The following ST7 variants were observed in gnomAD, a reference collection of about 807,000 sequenced individuals.
ST7 encodes the protein suppression of tumorigenicity 7, also known as suppressor of tumorigenicity 7 protein.
A neutral mutation model predicts 78.7 loss-of-function variants in ST7; 28 were observed. That is an observed-to-expected ratio of 0.36 (90% CI 0.26 to 0.49). The LOEUF is 0.49. Ranked by LOEUF, ST7 falls within the 20% of genes least tolerant of loss-of-function variation. The pLI is 0.99. For missense variants in ST7, 418 were observed against 696.0 expected (o/e 0.60, Z 4.49); for synonymous variants, 247 against 249.6 (o/e 0.99, Z 0.10).
At chr7:116,993,732 A>G (rs1794526389) in intron 1 of ST7, among the ~76,000 whole-genome samples, 1 of 152,366 alleles carries the variant, frequency 6.6e-6, no homozygotes, top group East Asian at 1.9e-4. Flanking sequence ...TACCAGAGCT[A>G]GGGGAAATAG....
At chr7:116,968,634 T>G (rs1793264361) in intron 1 of ST7, 1 of 206,864 alleles carries the variant, frequency 4.8e-6, no homozygotes, top group African/African-American at 2.3e-5. Context: ...CAAGACATGG[T>G]CCCTGTCTTC....
intron 15 of ST7, among the ~76,000 whole-genome samples, chr7:117,224,204 C>A (rs1793297162): frequency 6.6e-6 from 1 of 152,138 alleles, no homozygotes; most frequent in South Asian, 2.1e-4. Context: ...TATTCCTATT[C>A]TATATTGAGG....
chr7:116,956,688 G>A (rs1425543797), intron 1 of ST7: 2 of 468,646 alleles, frequency 4.3e-6, no homozygotes, highest in Non-Finnish European at 8.8e-6. Context: ...TTGACCATCT[G>A]TGACAATTTT....
intron 2 of ST7, chr7:117,112,803 A>T (rs1802540882): frequency 6.6e-6 from 1 of 152,230 alleles, no homozygotes; most frequent in Non-Finnish European, 1.5e-5. Flanking sequence ...AGAATAAAGA[A>T]TGAGAGAGAT....
At chr7:117,024,147 A>C (rs1215987054) in intron 1 of ST7, among the ~76,000 whole-genome samples, 1 of 152,184 alleles carries the variant, frequency 6.6e-6, no homozygotes, top group Non-Finnish European at 1.5e-5. Context: ...AAATTGATTA[A>C]ATTCTTCAAA....
At chr7:116,967,584 ATTCTAGC>A in intron 1 of ST7, 1 of 351,252 alleles carries the variant, frequency 2.8e-6, no homozygotes, top group South Asian at 2.1e-5. Flanking sequence ...CCCTTACCAC[ATTCTAGC>A]AAAAAGGTCA....
intron 9 of ST7, among the ~76,000 whole-genome samples, chr7:117,146,886 G>T (rs1805833838): frequency 6.6e-6 from 1 of 152,122 alleles, no homozygotes; most frequent in African/African-American, 2.4e-5. Flanking sequence ...GTGACTTCTT[G>T]ATCTTTTTGT....
At chr7:117,025,246 A>G (rs1796127514) in intron 1 of ST7, among the ~76,000 whole-genome samples, 1 of 152,162 alleles carries the variant, frequency 6.6e-6, no homozygotes. Context: ...AATAGTAACT[A>G]TGGTCATTCA....
intron 9 of ST7, among the ~76,000 whole-genome samples, chr7:117,156,538 G>A (rs1806701696): frequency 6.6e-6 from 1 of 152,112 alleles, no homozygotes; most frequent in Non-Finnish European, 1.5e-5. Context: ...GAGTTTGGGA[G>A]TTATCAACAT....
chr7:117,107,903 C>G (rs1355661075), intron 2 of ST7, among the ~76,000 whole-genome samples: 4 of 151,964 alleles, frequency 2.6e-5, no homozygotes. Context: ...ACGTCAGCCA[C>G]TGCACCCGGC....
chr7:117,227,387 C>T (rs1793516478), intron 15 of ST7, among the ~76,000 whole-genome samples: 1 of 152,144 alleles, frequency 6.6e-6, no homozygotes, highest in Non-Finnish European at 1.5e-5. Flanking sequence ...GCAATATCAC[C>T]TTGTTTATTA....
intron 1 of ST7, chr7:117,098,753 G>C: frequency 1.5e-6 from 2 of 1,296,542 alleles, no homozygotes; most frequent in Non-Finnish European, 2.0e-6. Flanking sequence ...AACCAGACTG[G>C]ATGTGATTCC....
rs1051056688 is a variant in ST7, at chr7:117,161,244, G to A, written c.964-9618G>A. ...ATGAAAATTCAACTCTTTATGACTT[G>A]AAGAATTACATATGAAAAGTACATG... On this transcript the variant is annotated intron_variant, in intron 9 of 15. Coordinates refer to ENST00000323984, the MANE Select transcript of ST7 (RefSeq NM_001369598.1). Among the ~76,000 whole-genome samples the A allele has an allele frequency of 2.0e-5, 3 of 151,928 alleles. No individual in the cohort carries two copies. In the South Asian group the frequency reaches 6.2e-4, roughly 32 times the overall value.
chr7:117,159,513 A>G (rs1204703679), intron 9 of ST7, among the ~76,000 whole-genome samples: 1 of 152,178 alleles, frequency 6.6e-6, no homozygotes, highest in Non-Finnish European at 1.5e-5. Flanking sequence ...AATAAACAGA[A>G]CTATGCTAGA....
At chr7:117,160,676 T>C (rs1425338225) in intron 9 of ST7, among the ~76,000 whole-genome samples, 1 of 151,878 alleles carries the variant, frequency 6.6e-6, no homozygotes, top group African/African-American at 2.4e-5. Context: ...TATACATATA[T>C]GTATTTATTC....
intron 2 of ST7, among the ~76,000 whole-genome samples, chr7:117,104,178 C>T (rs921152080): frequency 3.9e-5 from 6 of 152,280 alleles, no homozygotes; most frequent in South Asian, 2.1e-4. Context: ...CAGTGGCTCA[C>T]GCCTGCAATC....
intron 10 of ST7, among the ~76,000 whole-genome samples, chr7:117,183,830 C>T (rs1808991614): frequency 6.6e-6 from 1 of 152,118 alleles, no homozygotes; most frequent in Admixed American, 6.5e-5. Context: ...CATAATAGTC[C>T]AAAGTGGGAA....
chr7:117,050,558 A>G lies in ST7; in HGVS notation c.152-49204A>G, dbSNP rs567103200. Among the ~76,000 whole-genome samples the G allele has an allele frequency of 1.4e-4, 21 of 152,330 alleles. No individual in the cohort carries two copies. In the South Asian group the frequency reaches 3.5e-3, roughly 26 times the overall value. The stretch of plus-strand genomic sequence containing the variant: ...AATTTTAACTTTTTATAATTTGTGT[A>G]TATTTTATGGTAGTGAATGATATAT... On this transcript the variant is annotated intron_variant, in intron 1 of 15. Transcript: ENST00000323984.
chr7:117,067,433 G>T (rs955074991), intron 1 of ST7, among the ~76,000 whole-genome samples: 1 of 152,108 alleles, frequency 6.6e-6, no homozygotes, highest in Non-Finnish European at 1.5e-5. Flanking sequence ...CCCCAGTATA[G>T]AACTGAGCTT....
Sources: allele counts gnomAD v4.1 joint callset (sites outside exome capture counted in the v4.1 genomes callset), GRCh38; gene constraint gnomAD v4.1.1; transcripts MANE v1.5; gene names NCBI Gene and HGNC (gene_info 2026-07-23, HGNC 2026-07-21).